Variants in PYHIN1 observed in about 807,000 individuals in gnomAD.
The protein encoded by PYHIN1 is pyrin and HIN domain family member 1.
PYHIN1 carries 32 observed loss-of-function variants against 43.7 expected under a neutral mutation model. That is an observed-to-expected ratio of 0.73 (90% CI 0.55 to 0.98). The LOEUF (loss-of-function observed/expected upper bound fraction) is 0.98, where lower values mean the gene tolerates loss of function less well. Ranked by LOEUF, PYHIN1 falls within the 50% of genes least tolerant of loss-of-function variation. The pLI, the probability that PYHIN1 is intolerant of heterozygous loss-of-function variation, is 0.00. For synonymous variants in PYHIN1, 205 were observed against 203.1 expected (o/e 1.01, Z -0.08); for missense variants, 588 against 589.5 (o/e 1.00, Z 0.03).
chr1:158,947,767 C>T (rs902871515), intron 7 of PYHIN1, among the ~76,000 whole-genome samples: 2 of 152,232 alleles, frequency 1.3e-5, no homozygotes, highest in Non-Finnish European at 2.9e-5. Context: ...AGTCAACACA[C>T]CTGTAGGTAA....
intron 7 of PYHIN1, among the ~76,000 whole-genome samples, chr1:158,968,180 A>C (rs559066971): frequency 6.6e-6 from 1 of 152,128 alleles, no homozygotes; most frequent in East Asian, 1.9e-4. Context: ...AGAAAAAAAA[A>C]ATTGCAAACT....
chr1:158,963,957 G>C (rs1007694813), intron 7 of PYHIN1, among the ~76,000 whole-genome samples: 15 of 152,128 alleles, frequency 9.9e-5, no homozygotes, highest in Non-Finnish European at 1.2e-4. Flanking sequence ...TCAAGAGAAA[G>C]TTAAAACTCA....
At chr1:158,943,212 AAGAAATTCTT>A (rs1429769349) in intron 5 of PYHIN1, among the ~76,000 whole-genome samples, 4 of 152,188 alleles carry the variant, frequency 2.6e-5, no homozygotes, top group Admixed American at 1.3e-4. Context: ...CACACTCTTA[AAGAAATTCTT>A]AGAAATACAC....
chr1:158,984,108 C>T, the PYHIN1 span, among the ~76,000 whole-genome samples: 2 of 86,142 alleles, frequency 2.3e-5, no homozygotes, highest in African/African-American at 8.9e-5. Flanking sequence ...TTTTAGTTTT[C>T]TTAATTATTT....
chr1:158,978,063 C>A (rs761209624), downstream of PYHIN1, among the ~76,000 whole-genome samples: 1 of 152,030 alleles, frequency 6.6e-6, no homozygotes, highest in Non-Finnish European at 1.5e-5. Flanking sequence ...GGAAAAGAGG[C>A]ATTAAAGTTC....
the PYHIN1 span, among the ~76,000 whole-genome samples, chr1:158,985,537 G>T: frequency 2.6e-5 from 4 of 152,088 alleles, no homozygotes; most frequent in Non-Finnish European, 4.4e-5. Context: ...GTGTGATAAG[G>T]GTTCCCTTTG....
At chr1:158,986,359 A>G in the PYHIN1 span, among the ~76,000 whole-genome samples, 1 of 152,134 alleles carries the variant, frequency 6.6e-6, no homozygotes, top group African/African-American at 2.4e-5. Context: ...TTTCTGGATA[A>G]TTTCATGGGT....
chr1:158,956,901 CA>C (rs1378815250), intron 7 of PYHIN1, among the ~76,000 whole-genome samples: 2 of 108,110 alleles, frequency 1.8e-5, no homozygotes, highest in African/African-American at 7.0e-5. Flanking sequence ...GCAACTTCAG[CA>C]AAGTCTCAGA....
chr1:158,942,471 T>C lies in PYHIN1; in HGVS notation c.1002+72T>C, dbSNP rs1241231926. ...AAATTAAAAGCCCTGATGTGCTAAA[T>C]GGAAGTTTGCATATTACTTAACATT... On this transcript the variant is annotated intron_variant, in intron 5 of 8. Transcript: ENST00000368140. 3 of 1,244,268 alleles carry C rather than the reference T, an allele frequency of 2.4e-6. No homozygotes were observed. In the East Asian group the frequency reaches 7.0e-5, roughly 29 times the overall value. The allele number at this position is 1,244,268 out of a possible 1,614,324, so 77.1% of individuals were successfully genotyped here.
At chr1:158,960,442 C>T (rs1650254791) in intron 7 of PYHIN1, among the ~76,000 whole-genome samples, 2 of 152,242 alleles carry the variant, frequency 1.3e-5, no homozygotes, top group East Asian at 3.8e-4. Flanking sequence ...TGTACATGAA[C>T]ATCTGTAGAG....
rs533834659 is a variant in PYHIN1 at position 158,933,968 on chromosome 1, C to T, written c.-21+2192C>T. Among the ~76,000 whole-genome samples, 28 of 152,136 alleles carry T rather than the reference C, an allele frequency of 1.8e-4. No individual in the cohort carries two copies. The highest frequency in any genetic ancestry group is 4.3e-4 in the African/African-American group (18 of 41,514). On this transcript the variant is annotated intron_variant, in intron 1 of 8. Coordinates refer to ENST00000368140, the MANE Select transcript of PYHIN1 (RefSeq NM_152501.5). The surrounding 1 kb of genome is among the most constrained non-coding windows in gnomAD (Gnocchi z 6.3). ...CTGTGTGCATCTTTGTCTGGAAAAA[C>T]TACTGAGGCCTTCAGGTTCAGAGAA...
intron 7 of PYHIN1, among the ~76,000 whole-genome samples, chr1:158,953,605 C>T (rs984855557): frequency 3.3e-5 from 5 of 151,960 alleles, no homozygotes; most frequent in Non-Finnish European, 5.9e-5. Flanking sequence ...TTCTGTACAT[C>T]ACCATCATCA....
intron 1 of PYHIN1, among the ~76,000 whole-genome samples, chr1:158,936,329 C>T (rs150903697): frequency 2.0e-5 from 3 of 149,536 alleles, no homozygotes; most frequent in Admixed American, 6.7e-5. Context: ...TTTGTCCTTG[C>T]GATAGTTTGC....
At chr1:158,965,324 T>G (rs1571773844) in intron 7 of PYHIN1, among the ~76,000 whole-genome samples, 2 of 151,930 alleles carry the variant, frequency 1.3e-5, no homozygotes, top group Non-Finnish European at 2.9e-5. Context: ...CAGTATTAGA[T>G]CGATCATTCA....
chr1:158,982,382 G>C, the PYHIN1 span, among the ~76,000 whole-genome samples: 1 of 152,062 alleles, frequency 6.6e-6, no homozygotes. Context: ...TCCTGACACT[G>C]CTTGTTGAAT....
intron 7 of PYHIN1, among the ~76,000 whole-genome samples, chr1:158,951,078 G>A (rs1047783436): frequency 8.5e-5 from 13 of 152,166 alleles, no homozygotes; most frequent in African/African-American, 3.1e-4. Flanking sequence ...TAGTCCTCTA[G>A]GGTTAACACC....
At chr1:158,969,222 A>G (rs1650803048) in intron 7 of PYHIN1, among the ~76,000 whole-genome samples, 1 of 151,944 alleles carries the variant, frequency 6.6e-6, no homozygotes, top group Non-Finnish European at 1.5e-5. Flanking sequence ...TTATGGTTTG[A>G]GTTTGTTTCC....
At chr1:158,952,660 G>A (rs999048548) in intron 7 of PYHIN1, among the ~76,000 whole-genome samples, 7 of 152,132 alleles carry the variant, frequency 4.6e-5, no homozygotes, top group African/African-American at 7.2e-5. Flanking sequence ...AACCAGAGCC[G>A]CTCTAACTAA....
In PYHIN1 at chr1:158,948,559, G is replaced by A. The variant is rs539740977; in HGVS notation, c.1359+3517G>A. On this transcript the variant is annotated intron_variant, in intron 7 of 8. Transcript: ENST00000368140. ...GCCTCGAGGGATTGCAGTAGTGCAA[G>A]AATCTTTTGATCTATACCTTGCTGT... Among the ~76,000 whole-genome samples the A allele has an allele frequency of 7.9e-5, 12 of 152,286 alleles. No individual in the cohort carries two copies. The South Asian group carries it at 2.5e-3, about 32-fold the overall frequency.
Sources: gnomAD v4.1 joint callset for allele counts (sites outside exome capture counted in the v4.1 genomes callset) on GRCh38, gnomAD v4.1.1 for gene constraint, Gnocchi (gnomAD v3.1) non-coding constraint, MANE v1.5 for transcripts, NCBI Gene and HGNC (gene_info 2026-07-23, HGNC 2026-07-21) for gene names.